The following CABLES1 variants were observed in gnomAD, a reference collection of about 807,000 sequenced individuals.
The protein encoded by CABLES1 is Cdk5 and Abl enzyme substrate 1.
CABLES1 carries 36 observed loss-of-function variants against 57.8 expected under a neutral mutation model. The observed-to-expected ratio is 0.62, with a 90% CI of 0.48 to 0.82. The LOEUF is 0.82. CABLES1 is among the 40% of genes least tolerant of loss of function. The probability of loss-of-function intolerance (pLI) is 0.00; values close to 1 mark genes in which losing one functional copy is unlikely to be tolerated. For synonymous variants in CABLES1, 374 were observed against 363.0 expected, an observed-to-expected ratio of 1.03 and a Z score of -0.35; for missense variants, 767 against 836.6, an observed-to-expected ratio of 0.92 and a Z score of 1.03.
intron 7 of CABLES1, among the ~76,000 whole-genome samples, chr18:23,245,845 C>T (rs1014829705): frequency 6.6e-6 from 1 of 152,252 alleles, no homozygotes; most frequent in Non-Finnish European, 1.5e-5. Flanking sequence ...AATGAGCACC[C>T]TTGCAAAAAA....
rs1040266068 is a variant in CABLES1 at position 23,224,664 on chromosome 18, G to A, written c.1089-9944G>A. 2.7e-5 allele frequency among the ~76,000 whole-genome samples: 4 copies of A among 148,944 alleles called. No individual in the cohort carries two copies. The Admixed American group carries it at 2.7e-4, about 10-fold the overall frequency. ...GCTCACTGCAAGCTCCGCCTCCTGGGTTCACGCCATTCTCCTGCCACAGCC... is the reference window on the plus strand; with the variant it reads ...GCTCACTGCAAGCTCCGCCTCCTGGATTCACGCCATTCTCCTGCCACAGCC... On this transcript the variant is annotated intron_variant, in intron 4 of 9. Coordinates refer to ENST00000256925, the MANE Select transcript of CABLES1 (RefSeq NM_001100619.3).
intron 4 of CABLES1, chr18:23,219,087 T>A (rs1246812361): frequency 2.3e-6 from 1 of 429,818 alleles, no homozygotes; most frequent in African/African-American, 2.0e-5. Flanking sequence ...ATGCCACCTA[T>A]GTGGAGGTTT....
intron 3 of CABLES1, among the ~76,000 whole-genome samples, chr18:23,207,129 A>G (rs575750397): frequency 1.3e-5 from 2 of 152,276 alleles, no homozygotes; most frequent in Non-Finnish European, 2.9e-5. Context: ...TCTTTAATAA[A>G]CAAGTACAAA....
intron 5 of CABLES1, among the ~76,000 whole-genome samples, chr18:23,235,242 C>G (rs2047594913): frequency 6.6e-6 from 1 of 152,210 alleles, no homozygotes; most frequent in East Asian, 1.9e-4. Flanking sequence ...CTCATCAACC[C>G]TTTCAAAATC....
intron 4 of CABLES1, among the ~76,000 whole-genome samples, chr18:23,218,024 C>T (rs535656145): frequency 6.6e-6 from 1 of 152,358 alleles, no homozygotes; most frequent in African/African-American, 2.4e-5. Context: ...GACCCAGCCA[C>T]ATGGGCCTGA....
intron 3 of CABLES1, among the ~76,000 whole-genome samples, chr18:23,204,870 T>C (rs2047351468): frequency 6.6e-6 from 1 of 152,242 alleles, no homozygotes; most frequent in Admixed American, 6.5e-5. Flanking sequence ...ACTGTCCCCA[T>C]GATTCAGTTA....
rs139615574 is a variant in CABLES1, at chr18:23,180,067, C to T, written c.846-8771C>T. 9.6e-3 allele frequency among the ~76,000 whole-genome samples: 1,467 copies of T among 152,146 alleles called. 27 individuals carry two copies. The highest frequency in any genetic ancestry group is 0.034 in the African/African-American group (1,399 of 41,488). ...CTGAGTAGCTGGGACTACAGGCGCC[C>T]GCCACCACGCCCGGCTAATTTTTTT... On this transcript the variant is annotated intron_variant, in intron 1 of 9. Coordinates refer to ENST00000256925, the MANE Select transcript of CABLES1 (RefSeq NM_001100619.3).
At chr18:23,199,964 G>C (rs1312637814) in intron 3 of CABLES1, among the ~76,000 whole-genome samples, 1 of 152,164 alleles carries the variant, frequency 6.6e-6, no homozygotes, top group African/African-American at 2.4e-5. Context: ...GATGGTACGG[G>C]TTCAGCAGAT....
chr18:23,188,918 C>G lies in CABLES1; in HGVS notation c.917+9C>G. 1 of 1,602,162 alleles carries G rather than the reference C, an allele frequency of 6.2e-7. No individual in the cohort carries two copies. On this transcript the variant is annotated intron_variant, in intron 2 of 9. Transcript: ENST00000256925. ...AACGCCCCTCTCCGGAGGTAATTTTCTGTTTCATTTATGTATATGTAAACA... is the reference window on the plus strand; with the variant it reads ...AACGCCCCTCTCCGGAGGTAATTTTGTGTTTCATTTATGTATATGTAAACA...
Position 23,213,994 on chromosome 18 carries a change from G to A in CABLES1, c.1028G>A (p.Gly343Asp), listed in dbSNP as rs1464598564. ...TRNGRIVLIS[G>D]RRSFCSIFSV... is the part of the protein sequence containing the mutation. ...TTTTTTAGAATAGTCCTTATCAGTG[G>A]CAGAAGATCCTTCTGTAGTATATTT... Residue 343 changes from glycine (G) to aspartate (D), a missense_variant, in exon 4 of 10, where the codon GGC becomes GAC. Gly to Asp is a moderately conservative substitution (Grantham distance 94). Around this residue, in one of 4 missense-constraint regions of CABLES1, gnomAD observed 529 missense variants for 622.8 expected, o/e 0.85. Coordinates refer to ENST00000256925, the MANE Select transcript of CABLES1 (RefSeq NM_001100619.3). The A allele has an allele frequency of 6.2e-7, 1 of 1,608,356 alleles. No individual in the cohort carries two copies. The highest frequency in any genetic ancestry group is 8.5e-7 in the Non-Finnish European group (1 of 1,175,630).
intron 4 of CABLES1, among the ~76,000 whole-genome samples, chr18:23,220,146 C>T (rs1384673083): frequency 2.6e-5 from 4 of 152,124 alleles, no homozygotes; most frequent in Non-Finnish European, 4.4e-5. Flanking sequence ...TAACAGCCAC[C>T]GCAGTCTCCA....
At chr18:23,227,760 G>A (rs1042920722) in intron 4 of CABLES1, among the ~76,000 whole-genome samples, 7 of 152,212 alleles carry the variant, frequency 4.6e-5, no homozygotes, top group African/African-American at 1.7e-4. Context: ...TAGCTCACAA[G>A]TGGTATTTCC....
chr18:23,186,993 G>A (rs2145013257), intron 1 of CABLES1, among the ~76,000 whole-genome samples: 1 of 152,320 alleles, frequency 6.6e-6, no homozygotes, highest in South Asian at 2.1e-4. Flanking sequence ...CATAGCACAG[G>A]CACTTCAGAG....
chr18:23,154,786 G>A (rs541570916), intron 1 of CABLES1, among the ~76,000 whole-genome samples: 54 of 152,294 alleles, frequency 3.5e-4, no homozygotes, highest in Middle Eastern at 3.4e-3. Flanking sequence ...CTTTTGACAC[G>A]TGTGACATTT....
chr18:23,204,842 G>A (rs1447412668), intron 3 of CABLES1, among the ~76,000 whole-genome samples: 1 of 152,198 alleles, frequency 6.6e-6, no homozygotes, highest in African/African-American at 2.4e-5. Context: ...TCACTACCAT[G>A]AGAACAGTAT....
At chr18:23,183,909 C>A (rs1345715006) in intron 1 of CABLES1, among the ~76,000 whole-genome samples, 1 of 152,138 alleles carries the variant, frequency 6.6e-6, no homozygotes, top group East Asian at 1.9e-4. Context: ...TTATTACAGG[C>A]TTTCTGGGGT....
chr18:23,148,899 CT>C (rs1242638945), intron 1 of CABLES1, among the ~76,000 whole-genome samples: 2 of 152,070 alleles, frequency 1.3e-5, no homozygotes, highest in Non-Finnish European at 2.9e-5. Context: ...TAGCAGTGCT[CT>C]TTTTTTGAGA....
intron 1 of CABLES1, among the ~76,000 whole-genome samples, chr18:23,168,522 G>A (rs528638852): frequency 4.6e-5 from 7 of 152,340 alleles, no homozygotes; most frequent in Non-Finnish European, 8.8e-5. Flanking sequence ...TGATGAAGTC[G>A]TCTGGAGGTG....
chr18:23,253,148 G>C, intron 8 of CABLES1, 82 bp downstream of exon 8: 1 of 783,044 alleles, frequency 1.3e-6, no homozygotes, highest in East Asian at 2.6e-5. Context: ...CTGTCCAGTG[G>C]TCCTTCCTGT....
Sources: allele counts gnomAD v4.1 joint callset (sites outside exome capture counted in the v4.1 genomes callset), GRCh38; gene constraint gnomAD v4.1.1; regional missense constraint gnomAD v4.1.1; transcripts MANE v1.5; gene names NCBI Gene and HGNC (gene_info 2026-07-23, HGNC 2026-07-21).